The following FIGN variants were observed in gnomAD, a reference collection of about 807,000 sequenced individuals.
FIGN encodes fidgetin.
Under a neutral mutation model 51.3 loss-of-function variants are expected in FIGN, and 11 were observed. That is an observed-to-expected ratio of 0.21 (90% CI 0.13 to 0.35). The LOEUF is 0.35. FIGN is among the 10% of genes least tolerant of loss of function. The probability of loss-of-function intolerance (pLI) is 1.00; values close to 1 mark genes in which losing one functional copy is unlikely to be tolerated. For missense variants in FIGN, 857 were observed against 943.6 expected, an observed-to-expected ratio of 0.91 and a Z score of 1.20; for synonymous variants, 407 against 363.2, an observed-to-expected ratio of 1.12 and a Z score of -1.37.
chr2:163,716,475 C>A (rs1047199564), intron 2 of FIGN, among the ~76,000 whole-genome samples: 8 of 152,108 alleles, frequency 5.3e-5, no homozygotes, highest in Non-Finnish European at 5.9e-5. Context: ...TAGATCCACT[C>A]CAGTTGGATT....
intron 2 of FIGN, among the ~76,000 whole-genome samples, chr2:163,626,965 C>T: frequency 6.6e-6 from 1 of 152,120 alleles, no homozygotes; most frequent in East Asian, 1.9e-4. Flanking sequence ...CAGGAAATTA[C>T]CCTATATAGT....
chr2:163,660,879 A>AT (rs71015599), intron 2 of FIGN, among the ~76,000 whole-genome samples: 8 of 6,670 alleles, frequency 1.2e-3, no homozygotes, highest in African/African-American at 2.5e-3. Context: ...ATATATATAT[A>AT]TTTTTTTTTT....
intron 2 of FIGN, among the ~76,000 whole-genome samples, chr2:163,688,847 T>C (rs1684194816): frequency 6.6e-6 from 1 of 152,112 alleles, no homozygotes; most frequent in Non-Finnish European, 1.5e-5. Flanking sequence ...ATAACAATTA[T>C]TTGTAAAGCA....
At chr2:163,712,642 T>G (rs188664558) in intron 2 of FIGN, among the ~76,000 whole-genome samples, 54 of 152,316 alleles carry the variant, frequency 3.5e-4, no homozygotes, top group African/African-American at 1.2e-3. Flanking sequence ...TGGTTATATG[T>G]TGTGAGGTTT....
intron 2 of FIGN, among the ~76,000 whole-genome samples, chr2:163,637,626 TG>T (rs990369964): frequency 6.6e-6 from 1 of 152,052 alleles, no homozygotes; most frequent in African/African-American, 2.4e-5. Flanking sequence ...GACAAGTTTT[TG>T]GCTTCTCAAA....
intron 2 of FIGN, among the ~76,000 whole-genome samples, chr2:163,696,432 T>C (rs1331716942): frequency 1.3e-5 from 2 of 152,130 alleles, no homozygotes; most frequent in Admixed American, 6.5e-5. Flanking sequence ...ATCGTTTACT[T>C]ATCACTTAAG....
At chr2:163,630,930 A>C (rs977163536) in intron 2 of FIGN, among the ~76,000 whole-genome samples, 1 of 152,218 alleles carries the variant, frequency 6.6e-6, no homozygotes, top group African/African-American at 2.4e-5. Context: ...CTAAACACAA[A>C]TACATTGCTA....
At chr2:163,725,320 A>T (rs1207830398) in intron 2 of FIGN, among the ~76,000 whole-genome samples, 1 of 152,166 alleles carries the variant, frequency 6.6e-6, no homozygotes, top group Non-Finnish European at 1.5e-5. Flanking sequence ...CTAGGTAGGT[A>T]GGAAGATGGC....
chr2:163,690,047 TCAGTCC>T (rs1684215260), intron 2 of FIGN, among the ~76,000 whole-genome samples: 2 of 152,196 alleles, frequency 1.3e-5, no homozygotes, highest in African/African-American at 4.8e-5. Context: ...TCCAGTTATG[TCAGTCC>T]CCCTCAATTG....
chr2:163,631,519 C>T (rs1444431643), intron 2 of FIGN, among the ~76,000 whole-genome samples: 1 of 152,100 alleles, frequency 6.6e-6, no homozygotes, highest in Non-Finnish European at 1.5e-5. Context: ...TCCAGCTCCC[C>T]TCCCACTTCT....
chr2:163,636,942 G>A (rs1257773479), intron 2 of FIGN, among the ~76,000 whole-genome samples: 2 of 152,098 alleles, frequency 1.3e-5, no homozygotes, highest in Admixed American at 1.3e-4. Context: ...AGCCAGGAGT[G>A]GTGGCAGGCG....
intron 2 of FIGN, among the ~76,000 whole-genome samples, chr2:163,686,002 C>T (rs1342350277): frequency 6.6e-6 from 1 of 152,198 alleles, no homozygotes; most frequent in Non-Finnish European, 1.5e-5. Context: ...CTATTTGGGA[C>T]AGTCATCAAA....
intron 2 of FIGN, among the ~76,000 whole-genome samples, chr2:163,717,472 CAT>C (rs1052010645): frequency 5.9e-5 from 9 of 151,776 alleles, no homozygotes; most frequent in Admixed American, 5.2e-4. Context: ...GGCATAGAGT[CAT>C]AGTATTTTGG....
Position 163,610,942 on chromosome 2 carries a change from C to T in FIGN, c.890G>A (p.Gly297Asp), listed in dbSNP as rs750427873. Residue 297 changes from glycine to aspartate, a missense_variant, in exon 3 of 3, where the codon GGC (glycine) becomes GAC (aspartate). Coordinates refer to ENST00000333129, the MANE Select transcript of FIGN (RefSeq NM_018086.4). ...PTTVPGYTYQ[G>D]HGLTPIAPSA... ...CGGTGCAATAGGTGTCAAACCATGGCCCTGGTAGGTGTAGCCAGGAACAGT... is the reference window on the plus strand; with the variant it reads ...CGGTGCAATAGGTGTCAAACCATGGTCCTGGTAGGTGTAGCCAGGAACAGT... 6 of 1,613,734 alleles carry T rather than the reference C, an allele frequency of 3.7e-6. No homozygotes were observed. Among genetic ancestry groups the T allele is most frequent in the East Asian group, 2.2e-5 (1 of 44,822 alleles).
At chr2:163,633,401 A>G (rs973113503) in intron 2 of FIGN, among the ~76,000 whole-genome samples, 5 of 152,188 alleles carry the variant, frequency 3.3e-5, no homozygotes, top group African/African-American at 1.2e-4. Flanking sequence ...TTTCAAATAA[A>G]TAAACTAAAG....
At chr2:163,716,516 A>T (rs1684670448) in intron 2 of FIGN, among the ~76,000 whole-genome samples, 1 of 152,236 alleles carries the variant, frequency 6.6e-6, no homozygotes, top group Admixed American at 6.5e-5. Context: ...AAAAAAAGAA[A>T]AGAAAAACAG....
In FIGN at chr2:163,609,250, G is replaced by C. The variant is rs1691174545; in HGVS notation, c.*302C>G. On this transcript the variant is annotated 3_prime_UTR_variant, in exon 3 of 3. Transcript: ENST00000333129. ...GAACAGCAGAATGGAATCAACACACGAGGTTCATGTCCTTCTGAAATCAAC... is the reference window on the plus strand; with the variant it reads ...GAACAGCAGAATGGAATCAACACACCAGGTTCATGTCCTTCTGAAATCAAC... The C allele has an allele frequency of 3.2e-6, 1 of 314,772 alleles. No individual in the cohort carries two copies. The highest frequency in any genetic ancestry group is 5.8e-6 in the Non-Finnish European group (1 of 171,832). 19.5% of individuals were successfully genotyped at this position (314,772 alleles called of 1,614,324 possible).
chr2:163,704,805 G>A (rs1684472889), intron 2 of FIGN, among the ~76,000 whole-genome samples: 1 of 151,888 alleles, frequency 6.6e-6, no homozygotes, highest in South Asian at 2.1e-4. Context: ...ACAGGAAATG[G>A]AGCCATAACC....
In FIGN at chr2:163,609,453, G is replaced by A. The variant is rs1178299488; in HGVS notation, c.*99C>T. The stretch of plus-strand genomic sequence containing the variant: ...ATCGTCATCTTCCCCAGTACCCTTT[G>A]CAATTTAAACTCTACTGGAAAGGGG... On this transcript the variant is annotated 3_prime_UTR_variant, in exon 3 of 3. Transcript: ENST00000333129. 4.0e-6 allele frequency: 4 copies of A among 1,009,958 alleles called. No individual in the cohort carries two copies. Among genetic ancestry groups the A allele is most frequent in the Non-Finnish European group, 4.3e-6 (3 of 696,762 alleles). 62.6% of individuals were successfully genotyped at this position (1,009,958 alleles called of 1,614,324 possible). A position where few individuals can be genotyped will look rare whatever the true frequency, so the allele number is the denominator to read the frequency against.
Sources: allele counts gnomAD v4.1 joint callset (sites outside exome capture counted in the v4.1 genomes callset), GRCh38; gene constraint gnomAD v4.1.1; transcripts MANE v1.5; gene names NCBI Gene and HGNC (gene_info 2026-07-23, HGNC 2026-07-21).